The following CFAP36 variants were observed in gnomAD, a reference collection of about 807,000 sequenced individuals.
CFAP36 encodes cilia and flagella associated protein 36.
A neutral mutation model predicts 50.5 loss-of-function variants in CFAP36; 37 were observed. The observed-to-expected ratio is 0.73, with a 90% CI of 0.56 to 0.96. CFAP36 has a LOEUF of 0.96. CFAP36 is among the 50% of genes least tolerant of loss of function. The pLI, the probability that CFAP36 is intolerant of heterozygous loss-of-function variation, is 0.00. For missense variants in CFAP36, 407 were observed against 396.2 expected (o/e 1.03, Z -0.23); for synonymous variants, 138 against 128.2 (o/e 1.08, Z -0.52).
At chr2:55,536,345 C>CACCA (rs1684487242) in intron 6 of CFAP36, among the ~76,000 whole-genome samples, 1 of 152,072 alleles carries the variant, frequency 6.6e-6, no homozygotes. Context: ...GTTGATCAGG[C>CACCA]TGGTCTTAAA....
intron 4 of CFAP36, 21 bp from the exon 5 acceptor site, chr2:55,533,852 G>A (rs1177068404): frequency 6.7e-7 from 1 of 1,493,166 alleles, no homozygotes. Context: ...ACTATTTCAT[G>A]TGGTCTTTGG....
chr2:55,544,172 T>C (rs1244335544), intron 8 of CFAP36, 48 bp from the exon 9 acceptor site: 1 of 1,608,876 alleles, frequency 6.2e-7, no homozygotes, highest in Non-Finnish European at 8.5e-7. Context: ...CTGTGCTACT[T>C]ACTAAATGGA....
chr2:55,539,480 T>C (rs545662129), intron 7 of CFAP36: 1 of 152,216 alleles, frequency 6.6e-6, no homozygotes, highest in Non-Finnish European at 1.5e-5. Context: ...TGAATAATAT[T>C]CCATTGTCTG....
intron 4 of CFAP36, among the ~76,000 whole-genome samples, chr2:55,530,260 G>A (rs1048557516): frequency 6.6e-6 from 1 of 152,160 alleles, no homozygotes; most frequent in Non-Finnish European, 1.5e-5. Flanking sequence ...AGACGTGATT[G>A]CTCCTGTTTG....
chr2:55,537,416 T>A, intron 6 of CFAP36, 67 bp from the exon 7 acceptor site: 1 of 1,015,716 alleles, frequency 9.8e-7, no homozygotes, highest in South Asian at 1.5e-5. Context: ...ATCCTTTAGG[T>A]AGTGAATTAG....
intron 4 of CFAP36, among the ~76,000 whole-genome samples, chr2:55,530,066 C>T (rs368509545): frequency 6.4e-4 from 98 of 152,254 alleles, no homozygotes; most frequent in African/African-American, 1.9e-3. Context: ...TGTGTCCCCA[C>T]CCAAATCTCA....
At chr2:55,523,399 A>G (rs1684123970) in intron 2 of CFAP36, among the ~76,000 whole-genome samples, 2 of 152,092 alleles carry the variant, frequency 1.3e-5, no homozygotes, top group Non-Finnish European at 2.9e-5. Flanking sequence ...TGGGTGACAG[A>G]GTGAGACTCC....
chr2:55,524,068 G>T (rs191759693), intron 3 of CFAP36, among the ~76,000 whole-genome samples: 59 of 152,198 alleles, frequency 3.9e-4, no homozygotes, highest in Admixed American at 1.1e-3. Flanking sequence ...AAGATCACAG[G>T]GTTTATACAA....
intron 7 of CFAP36, chr2:55,538,965 T>G: frequency 7.2e-7 from 1 of 1,387,992 alleles, no homozygotes; most frequent in Admixed American, 3.1e-5. Context: ...TATGCCTAAT[T>G]TAAGCTGTTT....
rs762622007 is a variant in CFAP36 at position 55,523,711 on chromosome 2, GT to G, written c.181-3del. The G allele has an allele frequency of 1.3e-6, 2 of 1,549,694 alleles. No homozygotes were observed. The highest frequency in any genetic ancestry group is 1.4e-5 in the African/African-American group (1 of 73,184). On this transcript the variant is annotated splice_polypyrimidine_tract_variant and intron_variant, in intron 2 of 9. Coordinates refer to ENST00000349456, the MANE Select transcript of CFAP36 (RefSeq NM_080667.7). ...TATGTAATTATAAAAGTTAAACTTTGTTTTTTTAGGTTGAAAAGCTGTTAGA... is the reference window on the plus strand; with the variant it reads ...TATGTAATTATAAAAGTTAAACTTTGTTTTTTAGGTTGAAAAGCTGTTAGA...
chr2:55,541,371 G>T (rs1684634716), intron 7 of CFAP36, among the ~76,000 whole-genome samples: 1 of 152,146 alleles, frequency 6.6e-6, no homozygotes. Context: ...CATTTATTTA[G>T]TTCTTTGATT....
At position 55,519,839 on chromosome 2, in the gene CFAP36, T is replaced by C; in HGVS notation, c.38T>C (p.Val13Ala). The C allele has an allele frequency of 1.2e-6, 2 of 1,614,198 alleles. No individual in the cohort carries two copies. Among genetic ancestry groups the C allele is most frequent in the Non-Finnish European group, 8.5e-7 (1 of 1,180,030 alleles). ...GAAGAAGACGAGGTGGAGTGGGTAG[T>C]GGAGAGCATCGCGGGGTTCCTGCGA... is the stretch of plus-strand genomic sequence containing the variant. ...AEEEDEVEWVVESIAGFLRGP... is the reference protein window; with the variant it reads ...AEEEDEVEWVAESIAGFLRGP... The change falls in exon 1 of 10, where the codon GTG becomes GCG. Residue 13 changes from valine to alanine, a missense_variant. Val to Ala is a moderately conservative substitution (Grantham distance 64). Coordinates refer to ENST00000349456, the MANE Select transcript of CFAP36 (RefSeq NM_080667.7).
At chr2:55,537,628 CA>C in intron 7 of CFAP36, 43 bp downstream of exon 7, 1 of 365,684 alleles carries the variant, frequency 2.7e-6, no homozygotes, top group Non-Finnish European at 4.8e-6. Context: ...AATATGAATA[CA>C]TAAACACCAT....
At chr2:55,538,813 TG>T (rs1303846071) in intron 7 of CFAP36, 1 of 1,543,008 alleles carries the variant, frequency 6.5e-7, no homozygotes, top group East Asian at 2.4e-5. Context: ...AACTCTTCAA[TG>T]GTGAAATTAT....
chr2:55,540,222 T>C (rs941979915), intron 7 of CFAP36, among the ~76,000 whole-genome samples: 3 of 152,342 alleles, frequency 2.0e-5, no homozygotes, highest in African/African-American at 7.2e-5. Context: ...GTCACCTAAA[T>C]TTCCTCCTAT....
At chr2:55,523,248 C>A (rs1574611561) in intron 2 of CFAP36, among the ~76,000 whole-genome samples, 2 of 140,400 alleles carry the variant, frequency 1.4e-5, no homozygotes, top group African/African-American at 2.6e-5. Flanking sequence ...CCATCTCTAC[C>A]AAAAAAAAAA....
At chr2:55,523,698 A>G (rs1684130397) in intron 2 of CFAP36, 23 bp from the exon 3 acceptor site, 4 of 1,477,488 alleles carry the variant, frequency 2.7e-6, no homozygotes, top group Non-Finnish European at 3.7e-6. Context: ...TGTAATTATA[A>G]AAGTTAAACT....
At chr2:55,523,159 C>T (rs940127637) in intron 2 of CFAP36, among the ~76,000 whole-genome samples, 3 of 151,430 alleles carry the variant, frequency 2.0e-5, no homozygotes, top group Non-Finnish European at 4.4e-5. Context: ...GCCTATAATC[C>T]CAGCACTTTG....
intron 7 of CFAP36, among the ~76,000 whole-genome samples, chr2:55,540,706 T>C (rs1684615997): frequency 6.6e-6 from 1 of 152,184 alleles, no homozygotes; most frequent in Non-Finnish European, 1.5e-5. Flanking sequence ...ACATTGAGTT[T>C]TCCTGTCCAT....
Sources: gnomAD v4.1 joint callset for allele counts (sites outside exome capture counted in the v4.1 genomes callset) on GRCh38, gnomAD v4.1.1 for gene constraint, MANE v1.5 for transcripts, NCBI Gene and HGNC (gene_info 2026-07-23, HGNC 2026-07-21) for gene names.